GATA4: variants seen among roughly 807,000 people sequenced by gnomAD.
The protein encoded by GATA4 is transcription factor GATA-4.
In GATA4, 7 loss-of-function variants were observed where a neutral mutation model predicts 37.9. The observed-to-expected ratio is 0.18, with a 90% CI of 0.11 to 0.35. The LOEUF (loss-of-function observed/expected upper bound fraction) is 0.35. Ranked by LOEUF, GATA4 falls within the 10% of genes least tolerant of loss-of-function variation. The pLI, the probability that GATA4 is intolerant of heterozygous loss-of-function variation, is 1.00. For synonymous variants in GATA4, 372 were observed against 292.6 expected, an observed-to-expected ratio of 1.27 and a Z score of -2.77; for missense variants, 647 against 653.0, an observed-to-expected ratio of 0.99 and a Z score of 0.10.
At position 11,681,210 on chromosome 8, in the gene GATA4, G is replaced by A. The variant is rs567575070; in HGVS notation, c.-274+4147G>A. ...CAGGCCCTGGCCCGCGCGGGATCTG[G>A]AGGCAGAGATTTCTCGACGTTTGGG... On this transcript the variant is annotated intron_variant, in intron 1 of 6. Coordinates refer to the GATA4 transcript ENST00000528712. The A allele has an allele frequency of 5.1e-6, 5 of 985,284 alleles. No homozygotes were observed. In the South Asian group the frequency reaches 1.9e-4, roughly 37 times the overall value. 61.0% of individuals were successfully genotyped at this position (985,284 alleles called of 1,614,324 possible). A position where few individuals can be genotyped will look rare whatever the true frequency, so the allele number is the denominator to read the frequency against.
intron 5 of GATA4, 83 bp from the exon 6 acceptor site, chr8:11,756,852 C>A: frequency 6.3e-7 from 1 of 1,582,100 alleles, no homozygotes; most frequent in Admixed American, 1.7e-5. Flanking sequence ...TTAGCTTGCA[C>A]CCATCCCGGC....
upstream of GATA4, chr8:11,692,472 T>C: frequency 1.0e-6 from 1 of 956,274 alleles, no homozygotes. Flanking sequence ...TATTGACCGG[T>C]GTCCTGAATT....
upstream of GATA4, among the ~76,000 whole-genome samples, chr8:11,699,834 T>C (rs1322340459): frequency 6.6e-6 from 1 of 152,288 alleles, no homozygotes; most frequent in Non-Finnish European, 1.5e-5. Context: ...TTATGAGATA[T>C]AAACTTTTTT....
At chr8:11,702,465 C>G (rs1563195561), upstream of GATA4, among the ~76,000 whole-genome samples, 1 of 151,812 alleles carries the variant, frequency 6.6e-6, no homozygotes, top group African/African-American at 2.4e-5. The surrounding 1 kb of genome is among the most constrained non-coding windows in gnomAD (Gnocchi z 4.4). Flanking sequence ...GCGCCTCTCT[C>G]GCTCGCCCCC....
intron 1 of GATA4, chr8:11,683,265 C>T (rs1245608101): frequency 7.3e-6 from 3 of 410,188 alleles, no homozygotes. Flanking sequence ...CCACCTGGCC[C>T]TGGGAGGCGC....
In GATA4 at chr8:11,758,326, C is replaced by T. The variant is rs200319078; in HGVS notation, c.1183C>T (p.Pro395Ser). 3 of 1,614,032 alleles carry T rather than the reference C, an allele frequency of 1.9e-6. No homozygotes were observed. Among genetic ancestry groups the T allele is most frequent in the Non-Finnish European group, 2.5e-6 (3 of 1,180,030 alleles). The change falls in exon 7 of 7, where the codon CCC becomes TCC. Residue 395 changes from proline (P) to serine (S), a missense_variant. Around this residue, in one of 5 missense-constraint regions of GATA4, gnomAD observed 184 missense variants for 157.1 expected, o/e 1.17. Coordinates refer to ENST00000532059, the MANE Select transcript of GATA4 (RefSeq NM_001308093.3). The part of the protein sequence containing the change: ...FSVSAMSGHG[P>S]SIHPVLSALK... ...AGTCAGTGCGATGTCTGGCCATGGG[C>T]CCTCCATCCACCCTGTCCTCTCGGC...
upstream of GATA4, chr8:11,692,412 C>G (rs1456714236): frequency 1.4e-6 from 1 of 727,232 alleles, no homozygotes; most frequent in Admixed American, 6.3e-5. Context: ...ACGTTGATTT[C>G]TCTACCTATC....
In GATA4 at chr8:11,757,090, G is replaced by A. The variant is rs781457045; in HGVS notation, c.1149+7G>A. 7.4e-6 allele frequency: 12 copies of A among 1,613,246 alleles called. No homozygotes were observed. Among genetic ancestry groups the A allele is most frequent in the African/African-American group, 1.3e-5 (1 of 74,922 alleles). On this transcript the variant is annotated splice_region_variant and intron_variant, in intron 6 of 6. Coordinates refer to ENST00000532059, the MANE Select transcript of GATA4 (RefSeq NM_001308093.3). Reference sequence around the variant, plus strand: ...CAGCAGCTCCGTGTCCCAGGTACGCGCCATGGCTGGGGCGCCAGGGCTGTT... The same window carrying A: ...CAGCAGCTCCGTGTCCCAGGTACGCACCATGGCTGGGGCGCCAGGGCTGTT...
chr8:11,716,312 C>G (rs1361092977), intron 2 of GATA4, among the ~76,000 whole-genome samples: 1 of 148,508 alleles, frequency 6.7e-6, no homozygotes, highest in East Asian at 2.0e-4. Flanking sequence ...GCATCTTTTT[C>G]TTTTTTTTTT....
At chr8:11,750,402 A>G (rs567955427) in intron 4 of GATA4, among the ~76,000 whole-genome samples, 166 bp downstream of exon 4, 5 of 152,294 alleles carry the variant, frequency 3.3e-5, no homozygotes, top group Non-Finnish European at 5.9e-5. Context: ...CGTCCTTTAC[A>G]TTGTATAAGT....
At chr8:11,724,606 G>A (rs533943894) in intron 2 of GATA4, among the ~76,000 whole-genome samples, 28 of 152,298 alleles carry the variant, frequency 1.8e-4, no homozygotes, top group Non-Finnish European at 4.0e-4. Flanking sequence ...TTGACATTGG[G>A]CTCACCTCCA....
In GATA4 at chr8:11,757,845, C is replaced by T. The variant is rs370491226; in HGVS notation, c.1150-448C>T. Among the ~76,000 whole-genome samples, 9 of 152,222 alleles carry T rather than the reference C, an allele frequency of 5.9e-5. No individual in the cohort carries two copies. In the East Asian group the frequency reaches 7.7e-4, roughly 13 times the overall value. ...CTTTGACCAGCCCTGGCTGTTATCT[C>T]GTCTCTGCTCTTAACTGAAGGAGGC... On this transcript the variant is annotated intron_variant, in intron 6 of 6. Coordinates refer to ENST00000532059, the MANE Select transcript of GATA4 (RefSeq NM_001308093.3).
intron 2 of GATA4, among the ~76,000 whole-genome samples, chr8:11,725,788 G>C (rs1469808634): frequency 1.3e-5 from 2 of 152,226 alleles, no homozygotes; most frequent in Non-Finnish European, 2.9e-5. Context: ...GGTACTGATG[G>C]CCTCAAAGAG....
intron 2 of GATA4, among the ~76,000 whole-genome samples, chr8:11,734,591 A>T: frequency 6.6e-6 from 1 of 152,118 alleles, no homozygotes. Context: ...GGTTCAGGCA[A>T]TTCTCCTGCC....
chr8:11,693,152 G>C (rs1042947241), intron 1 of GATA4: 1 of 888,242 alleles, frequency 1.1e-6, no homozygotes, highest in Admixed American at 6.2e-5. Flanking sequence ...TGTTCCTAAA[G>C]AGCTGTAAGG....
At chr8:11,695,314 G>T (rs1218256938) in intron 1 of GATA4, among the ~76,000 whole-genome samples, 1 of 152,132 alleles carries the variant, frequency 6.6e-6, no homozygotes. Flanking sequence ...GCTGAGGCAG[G>T]AGAATGGCTT....
upstream of GATA4, among the ~76,000 whole-genome samples, chr8:11,687,783 G>A (rs745305747): frequency 6.6e-6 from 1 of 152,084 alleles, no homozygotes; most frequent in Non-Finnish European, 1.5e-5. Context: ...GGCTCTGACA[G>A]GTTTTATTGG....
chr8:11,740,487 C>G (rs972351782), intron 2 of GATA4, among the ~76,000 whole-genome samples: 15 of 152,316 alleles, frequency 9.8e-5, no homozygotes, highest in African/African-American at 3.4e-4. Context: ...GACTGCTGGG[C>G]AGGGTCCCTG....
intron 1 of GATA4, among the ~76,000 whole-genome samples, chr8:11,695,547 A>C (rs1799481620): frequency 6.6e-6 from 1 of 152,204 alleles, no homozygotes; most frequent in Admixed American, 6.5e-5. Context: ...TCAAGGGGCC[A>C]AAGCGTTTCT....
Sources: gnomAD v4.1 joint callset for allele counts (sites outside exome capture counted in the v4.1 genomes callset) on GRCh38, gnomAD v4.1.1 for gene constraint, gnomAD v4.1.1 regional missense constraint, Gnocchi (gnomAD v3.1) non-coding constraint, MANE v1.5 for transcripts, NCBI Gene and HGNC (gene_info 2026-07-23, HGNC 2026-07-21) for gene names.